The following TEX9 variants were observed in gnomAD, a reference collection of about 807,000 sequenced individuals.
The protein encoded by TEX9 is testis-expressed protein 9.
In TEX9, 74 loss-of-function variants were observed where a neutral mutation model predicts 59.6. That is an observed-to-expected ratio of 1.24 (90% confidence interval 1.03 to 1.51). TEX9 has a LOEUF of 1.51. Among genes scored for constraint, TEX9 ranks in the 40% most tolerant of loss-of-function variants. TEX9 has a pLI of 0.00. For missense variants in TEX9, 522 were observed against 447.8 expected (o/e 1.17, Z -1.49); for synonymous variants, 186 against 152.2 (o/e 1.22, Z -1.64).
rs750221808 is a variant in TEX9 at position 56,444,449 on chromosome 15, ATCT to A, written c.*30-1216_*30-1214del. On this transcript the variant is annotated intron_variant, in intron 12 of 12. Transcript: ENST00000352903. ...GAAAGTTAGGATAAACTTACAACTG[ATCT>A]TCTTCATAGATCTTCCTAACAATTT... 9.3e-6 allele frequency: 15 copies of A among 1,604,344 alleles called. No individual in the cohort carries two copies. The highest frequency in any genetic ancestry group is 5.1e-5 in the Admixed American group (3 of 58,780).
intron 1 of TEX9, among the ~76,000 whole-genome samples, chr15:56,353,275 A>G (rs1043726929): frequency 6.6e-6 from 1 of 152,220 alleles, no homozygotes; most frequent in Non-Finnish European, 1.5e-5. Context: ...AGCCATGACT[A>G]ATCTGTTAAA....
chr15:56,327,166 GTTGTC>G lies in TEX9; in HGVS notation c.-106-46269_-106-46265del, dbSNP rs1193741176. ...AATCATTCTATAACATTAATTTGTA[GTTGTC>G]TTGTCACTTAATAAAACCACATTTT... On this transcript the variant is annotated intron_variant, in intron 1 of 5. Coordinates refer to the TEX9 transcript ENST00000560827. Among the ~76,000 whole-genome samples the G allele has an allele frequency of 4.6e-5, 7 of 151,956 alleles. 1 individual carries two copies. In the East Asian group the frequency reaches 9.6e-4, roughly 21 times the overall value.
intron 1 of TEX9, among the ~76,000 whole-genome samples, chr15:56,324,615 T>C (rs1288363775): frequency 6.6e-6 from 1 of 152,236 alleles, no homozygotes; most frequent in African/African-American, 2.4e-5. Flanking sequence ...CACAGCTGCA[T>C]GAACGGACAA....
intron 1 of TEX9, among the ~76,000 whole-genome samples, chr15:56,274,163 C>T (rs964939817): frequency 1.3e-5 from 2 of 152,078 alleles, no homozygotes; most frequent in African/African-American, 4.8e-5. Context: ...TGCTCTGAGC[C>T]GTTTTTATTT....
At chr15:56,340,329 G>A (rs146431184) in intron 1 of TEX9, among the ~76,000 whole-genome samples, 35 of 152,128 alleles carry the variant, frequency 2.3e-4, no homozygotes, top group Non-Finnish European at 3.8e-4. Context: ...ATAGACTTGG[G>A]CCAATACTCT....
At chr15:56,451,985 C>A in the TEX9 span, among the ~76,000 whole-genome samples, 225 of 152,230 alleles carry the variant, frequency 1.5e-3, no homozygotes, top group African/African-American at 5.3e-3. Flanking sequence ...TCTGATACAA[C>A]ATTTCATCAA....
At chr15:56,254,663 C>T (rs546461789) in intron 1 of TEX9, among the ~76,000 whole-genome samples, 1 of 151,618 alleles carries the variant, frequency 6.6e-6, no homozygotes, top group East Asian at 1.9e-4. Flanking sequence ...TACAAGTTTG[C>T]AGAGACACCA....
chr15:56,382,387 A>C (rs1295483585), intron 3 of TEX9, among the ~76,000 whole-genome samples: 1 of 152,188 alleles, frequency 6.6e-6, no homozygotes, highest in Admixed American at 6.5e-5. Context: ...GGTGCAAGAC[A>C]AAGGCCCCTT....
At chr15:56,369,356 A>ATTT (rs34693580) in intron 2 of TEX9, among the ~76,000 whole-genome samples, 2 of 142,658 alleles carry the variant, frequency 1.4e-5, no homozygotes, top group Non-Finnish European at 1.5e-5. Flanking sequence ...TGCCATGCTA[A>ATTT]TTTTTTTTTT....
downstream of TEX9, among the ~76,000 whole-genome samples, chr15:56,450,285 C>T (rs1461008794): frequency 6.6e-6 from 1 of 152,008 alleles, no homozygotes; most frequent in Non-Finnish European, 1.5e-5. Context: ...AATTTGCCAT[C>T]CTAACCATTT....
At chr15:56,251,468 A>G (rs576123291) in intron 1 of TEX9, among the ~76,000 whole-genome samples, 2 of 152,172 alleles carry the variant, frequency 1.3e-5, no homozygotes, top group Non-Finnish European at 2.9e-5. Flanking sequence ...AGCTGACTCA[A>G]TAAAACCTTT....
intron 1 of TEX9, among the ~76,000 whole-genome samples, chr15:56,325,652 G>C (rs535838842): frequency 3.3e-5 from 5 of 152,060 alleles, no homozygotes; most frequent in Non-Finnish European, 7.4e-5. Context: ...GTTTCCTTTT[G>C]TTTTAAGGAT....
At chr15:56,253,483 G>A (rs563961790) in intron 1 of TEX9, among the ~76,000 whole-genome samples, 30 of 152,074 alleles carry the variant, frequency 2.0e-4, no homozygotes, top group Non-Finnish European at 2.9e-4. Flanking sequence ...CTTTAAACAC[G>A]TATCCCTTCT....
chr15:56,452,593 A>G, the TEX9 span, among the ~76,000 whole-genome samples: 4 of 148,384 alleles, frequency 2.7e-5, no homozygotes, highest in African/African-American at 1.0e-4. Context: ...ATCTTGGCTC[A>G]CTGCAAGCTC....
At chr15:56,300,708 G>GGGAGACAGAGAGA (rs1160272154) in intron 1 of TEX9, among the ~76,000 whole-genome samples, 1 of 102,670 alleles carries the variant, frequency 9.7e-6, no homozygotes, top group Admixed American at 1.0e-4. Flanking sequence ...AGAGAGAGAG[G>GGGAGACAGAGAGA]GAGAGAGAGA....
intron 9 of TEX9, among the ~76,000 whole-genome samples, chr15:56,404,617 G>C (rs2048977431): frequency 6.6e-6 from 1 of 152,136 alleles, no homozygotes; most frequent in African/African-American, 2.4e-5. Context: ...ATTTGACCCA[G>C]CAATCCCATT....
chr15:56,455,960 G>C, the TEX9 span, among the ~76,000 whole-genome samples: 1 of 152,082 alleles, frequency 6.6e-6, no homozygotes, highest in Non-Finnish European at 1.5e-5. Flanking sequence ...AAAACAATGG[G>C]GGGGAAGATA....
intron 1 of TEX9, among the ~76,000 whole-genome samples, chr15:56,245,842 C>A (rs941215371): frequency 1.5e-4 from 23 of 152,148 alleles, no homozygotes; most frequent in Non-Finnish European, 2.5e-4. Context: ...TGGAATTACG[C>A]TGAAAAATCT....
intron 12 of TEX9, among the ~76,000 whole-genome samples, chr15:56,438,532 A>G (rs1268165772): frequency 6.6e-6 from 1 of 152,206 alleles, no homozygotes; most frequent in African/African-American, 2.4e-5. Context: ...ACCTAAAACC[A>G]TAAAAACCCT....
Sources: allele counts gnomAD v4.1 joint callset (sites outside exome capture counted in the v4.1 genomes callset), GRCh38; gene constraint gnomAD v4.1.1; transcripts MANE v1.5; gene names NCBI Gene and HGNC (gene_info 2026-07-23, HGNC 2026-07-21).